HOMER1: variants seen among roughly 807,000 people sequenced by gnomAD.
HOMER1 encodes the protein homer protein homolog 1.
HOMER1 carries 3 observed loss-of-function variants against 48.9 expected under a neutral mutation model. The observed-to-expected ratio is 0.06, with a 90% CI of 0.03 to 0.16. HOMER1 has a LOEUF of 0.16. Among genes scored for constraint, HOMER1 ranks in the 10% least tolerant of loss-of-function variants. HOMER1 has a pLI of 1.00. For synonymous variants in HOMER1, 134 were observed against 146.4 expected (o/e 0.92, Z 0.61); for missense variants, 247 against 411.4 (o/e 0.60, Z 3.46).
intron 2 of HOMER1, among the ~76,000 whole-genome samples, chr5:79,452,403 G>A (rs1422403458): frequency 6.6e-6 from 1 of 152,104 alleles, no homozygotes; most frequent in Admixed American, 6.5e-5. Flanking sequence ...CCATAAAAGT[G>A]AGGAATCATT....
intron 1 of HOMER1, among the ~76,000 whole-genome samples, chr5:79,499,599 TTCTAG>T (rs1353587935): frequency 6.6e-6 from 1 of 152,134 alleles, no homozygotes; most frequent in Non-Finnish European, 1.5e-5. Flanking sequence ...TATATGTAGA[TTCTAG>T]TCTATTTTTT....
In HOMER1 at chr5:79,511,351, G is replaced by C. The variant is rs150672096; in HGVS notation, c.5+1419C>G. On this transcript the variant is annotated intron_variant, in intron 1 of 8. Transcript: ENST00000334082. Reference sequence around the variant, plus strand: ...CGCTTAAACTGCTTAGAGTGAAAAAGGTCTCCATCAGAAAGATCGACTTGC... The same window carrying C: ...CGCTTAAACTGCTTAGAGTGAAAAACGTCTCCATCAGAAAGATCGACTTGC... Among the ~76,000 whole-genome samples, 449 of 152,256 alleles carry C rather than the reference G, an allele frequency of 2.9e-3. 2 individuals carry two copies. Among genetic ancestry groups the C allele is most frequent in the African/African-American group, 7.9e-3 (328 of 41,550 alleles).
chr5:79,511,065 C>G lies in HOMER1; in HGVS notation c.5+1705G>C, dbSNP rs370516861. 2.1e-5 allele frequency: 6 copies of G among 280,628 alleles called. No individual in the cohort carries two copies. The East Asian group carries it at 3.5e-4, about 16-fold the overall frequency. 17.4% of individuals were successfully genotyped at this position (280,628 alleles called of 1,614,324 possible). A position where few individuals can be genotyped will look rare whatever the true frequency, so the allele number is the denominator to read the frequency against. ...TTCCCTTGGTAAAATGACAGGCATT[C>G]ATGCAGCTTAAAGGTTCTGGAAAAC... is the stretch of plus-strand genomic sequence containing the variant. On this transcript the variant is annotated intron_variant, in intron 1 of 8. Transcript: ENST00000334082.
At chr5:79,416,620 C>CA (rs780185132) in intron 5 of HOMER1, among the ~76,000 whole-genome samples, 1 of 152,210 alleles carries the variant, frequency 6.6e-6, no homozygotes, top group East Asian at 1.9e-4. Context: ...CACACTGTAA[C>CA]ATCTGCTAAC....
chr5:79,416,375 G>A (rs1335626148), intron 5 of HOMER1, among the ~76,000 whole-genome samples: 1 of 152,152 alleles, frequency 6.6e-6, no homozygotes, highest in Non-Finnish European at 1.5e-5. Flanking sequence ...TTGTGAGAGG[G>A]GAGAAGGGAA....
chr5:79,379,115 A>AT lies in HOMER1; in HGVS notation c.877-2919_877-2918insA, dbSNP rs1349080228. ...ATATATATATATATATATATATATA[A>AT]AATATATAAATATTTATTTATATAT... On this transcript the variant is annotated intron_variant, in intron 8 of 8. Transcript: ENST00000334082. Among the ~76,000 whole-genome samples, 206 of 55,592 alleles carry AT rather than the reference A, an allele frequency of 3.7e-3. 29 individuals carry two copies. The highest frequency in any genetic ancestry group is 0.011 in the African/African-American group (151 of 13,992). The allele number at this position is 55,592 out of a possible 152,430, so 36.5% of individuals were successfully genotyped here. A position where few individuals can be genotyped will look rare whatever the true frequency, so the allele number is the denominator to read the frequency against.
At chr5:79,430,734 C>T (rs1450390093) in intron 5 of HOMER1, among the ~76,000 whole-genome samples, 1 of 151,620 alleles carries the variant, frequency 6.6e-6, no homozygotes, top group Non-Finnish European at 1.5e-5. Flanking sequence ...GTCAAGAGAT[C>T]GAGACCATCC....
chr5:79,459,040 A>AAC (rs1190791131), intron 1 of HOMER1, among the ~76,000 whole-genome samples: 6 of 152,166 alleles, frequency 3.9e-5, no homozygotes, highest in African/African-American at 1.4e-4. Flanking sequence ...AATCATACAC[A>AAC]ACTCTATTAA....
At chr5:79,503,150 T>C (rs1436488545) in intron 1 of HOMER1, among the ~76,000 whole-genome samples, 1 of 152,210 alleles carries the variant, frequency 6.6e-6, no homozygotes, top group Non-Finnish European at 1.5e-5. Context: ...GAAACCTTAT[T>C]GATAACGTAG....
At chr5:79,457,042 T>C (rs750638281) in intron 1 of HOMER1, 24 bp from the exon 2 acceptor site, 1 of 1,612,744 alleles carries the variant, frequency 6.2e-7, no homozygotes, top group East Asian at 2.2e-5. Flanking sequence ...AAGAAAATGA[T>C]GGACTGAAAG....
At chr5:79,401,560 G>A (rs949635247) in intron 6 of HOMER1, among the ~76,000 whole-genome samples, 3 of 152,072 alleles carry the variant, frequency 2.0e-5, no homozygotes, top group African/African-American at 7.2e-5. Context: ...ACTACTCCCT[G>A]AATTTTTTCT....
intron 1 of HOMER1, among the ~76,000 whole-genome samples, chr5:79,490,488 T>C (rs2112356490): frequency 6.6e-6 from 1 of 152,284 alleles, no homozygotes; most frequent in Non-Finnish European, 1.5e-5. Context: ...GTGTATCTTA[T>C]AAAATTTATA....
At chr5:79,383,909 T>G (rs1052326917) in intron 8 of HOMER1, among the ~76,000 whole-genome samples, 2 of 152,100 alleles carry the variant, frequency 1.3e-5, no homozygotes, top group African/African-American at 2.4e-5. Context: ...TGAGCAACCA[T>G]TGGGTCAATG....
intron 5 of HOMER1, among the ~76,000 whole-genome samples, chr5:79,421,828 A>T (rs78132847): frequency 3.3e-5 from 5 of 152,034 alleles, no homozygotes; most frequent in African/African-American, 1.2e-4. Context: ...CACTGGTCTC[A>T]AACTCCTGAC....
At position 79,446,802 on chromosome 5, in the gene HOMER1, T is replaced by C. The variant is rs574859767; in HGVS notation, c.387+251A>G. On this transcript the variant is annotated intron_variant, in intron 4 of 8. Transcript: ENST00000334082. ...ACAGGCTTGCACCACCACACTTGGC[T>C]AATTTTTTTTTTTTTTTTTTTTTTT... 2.5e-4 allele frequency among the ~76,000 whole-genome samples: 31 copies of C among 123,894 alleles called. No individual in the cohort carries two copies. In the East Asian group the frequency reaches 7.1e-3, roughly 28 times the overall value. 81.3% of individuals were successfully genotyped at this position (123,894 alleles called of 152,430 possible).
rs1043754410 is a variant in HOMER1 at position 79,374,238 on chromosome 5, C to T, written c.*1771G>A. On this transcript the variant is annotated 3_prime_UTR_variant, in exon 9 of 9. Coordinates refer to ENST00000334082, the MANE Select transcript of HOMER1 (RefSeq NM_004272.5). ...TGAGCATGTGTATCTAAATTATTCT[C>T]CCTATAATATATAGGTGAGGAAAAT... 6.6e-6 allele frequency: 1 copy of T among 152,314 alleles called. No individual in the cohort carries two copies. Among genetic ancestry groups the T allele is most frequent in the Non-Finnish European group, 1.5e-5 (1 of 67,830 alleles). The allele number at this position is 152,314 out of a possible 1,614,324, so 9.4% of individuals were successfully genotyped here.
At chr5:79,491,686 A>G (rs1752283480) in intron 1 of HOMER1, among the ~76,000 whole-genome samples, 1 of 152,204 alleles carries the variant, frequency 6.6e-6, no homozygotes, top group South Asian at 2.1e-4. Flanking sequence ...GGAACTGCTT[A>G]GTCAATTGGT....
At chr5:79,510,287 A>C in intron 1 of HOMER1, 2 of 361,814 alleles carry the variant, frequency 5.5e-6, no homozygotes, top group South Asian at 4.9e-5. Context: ...ACATTCATTT[A>C]TAAACAAATT....
chr5:79,377,500 T>A (rs1438046909), intron 8 of HOMER1, among the ~76,000 whole-genome samples: 4 of 152,194 alleles, frequency 2.6e-5, no homozygotes, highest in Non-Finnish European at 5.9e-5. Flanking sequence ...AGAAACTAAG[T>A]GACTGACACA....
Sources: gnomAD v4.1 joint callset for allele counts (sites outside exome capture counted in the v4.1 genomes callset) on GRCh38, gnomAD v4.1.1 for gene constraint, MANE v1.5 for transcripts, NCBI Gene and HGNC (gene_info 2026-07-23, HGNC 2026-07-21) for gene names.